Variants in DLG2 observed in about 807,000 individuals in gnomAD.
The protein encoded by DLG2 is disks large homolog 2.
Under a neutral mutation model 132.5 loss-of-function variants are expected in DLG2, and 45 were observed. That is an observed-to-expected ratio of 0.34 (90% CI 0.27 to 0.44). DLG2 has a LOEUF of 0.44. Ranked by LOEUF, DLG2 falls within the 20% of genes least tolerant of loss-of-function variation. The probability of loss-of-function intolerance (pLI) is 1.00; values close to 1 mark genes in which losing one functional copy is unlikely to be tolerated. For synonymous variants in DLG2, 424 were observed against 419.6 expected (o/e 1.01, Z -0.13); for missense variants, 1,045 against 1,196.9 (o/e 0.87, Z 1.87).
At chr11:85,536,650 G>C (rs187090053) in intron 3 of DLG2, among the ~76,000 whole-genome samples, 1 of 152,218 alleles carries the variant, frequency 6.6e-6, no homozygotes, top group African/African-American at 2.4e-5. Flanking sequence ...CTGGGGCTGC[G>C]TGCGGTGCTC....
chr11:83,625,277 C>T (rs1176601580), intron 19 of DLG2, among the ~76,000 whole-genome samples: 1 of 152,078 alleles, frequency 6.6e-6, no homozygotes, highest in Non-Finnish European at 1.5e-5. Flanking sequence ...TATGGCTTTG[C>T]CTTAAATGTT....
intron 10 of DLG2, among the ~76,000 whole-genome samples, chr11:84,066,098 G>A (rs570212954): frequency 1.7e-3 from 252 of 152,192 alleles, no homozygotes; most frequent in Non-Finnish European, 2.6e-3. Flanking sequence ...GGTGAGCACT[G>A]AAAAACTAGC....
chr11:85,260,603 G>C (rs1376567589), intron 4 of DLG2, among the ~76,000 whole-genome samples: 4 of 152,126 alleles, frequency 2.6e-5, no homozygotes, highest in Non-Finnish European at 4.4e-5. Context: ...TGCCAGGTAG[G>C]TACTCTGCCA....
At chr11:83,831,202 G>A (rs777074186) in intron 17 of DLG2, among the ~76,000 whole-genome samples, 21 of 152,120 alleles carry the variant, frequency 1.4e-4, no homozygotes, top group Non-Finnish European at 2.1e-4. Context: ...ACATGTAAAC[G>A]TATATGCACA....
At chr11:84,264,550 T>A (rs2097587811) in intron 7 of DLG2, among the ~76,000 whole-genome samples, 1 of 151,300 alleles carries the variant, frequency 6.6e-6, no homozygotes, top group East Asian at 1.9e-4. Context: ...GCACAGGGAG[T>A]AGGTTGTTTT....
Position 83,759,981 on chromosome 11 carries a change from T to C in DLG2, c.1825+26709A>G, listed in dbSNP as rs1490928278. On this transcript the variant is annotated intron_variant, in intron 18 of 27. Transcript: ENST00000376104. ...TATTAAATCATTTCAAAATGAATAA[T>C]ATTCAATATGGTTTGTGATATTTAG... Among the ~76,000 whole-genome samples, 9 of 152,336 alleles carry C rather than the reference T, an allele frequency of 5.9e-5. No homozygotes were observed. In the South Asian group the frequency reaches 1.7e-3, roughly 28 times the overall value.
At chr11:84,737,541 G>A (rs1406127730) in intron 6 of DLG2, among the ~76,000 whole-genome samples, 2 of 151,538 alleles carry the variant, frequency 1.3e-5, no homozygotes, top group African/African-American at 2.4e-5. Context: ...TGATGTGTAT[G>A]TATTTTTGTG....
intron 6 of DLG2, among the ~76,000 whole-genome samples, chr11:85,062,945 G>A (rs796122743): frequency 2.0e-5 from 3 of 151,838 alleles, no homozygotes; most frequent in African/African-American, 7.2e-5. Context: ...CAGAGGTGGG[G>A]ATGACTGGTA....
At chr11:84,298,643 G>C (rs2098119649) in intron 7 of DLG2, among the ~76,000 whole-genome samples, 1 of 152,214 alleles carries the variant, frequency 6.6e-6, no homozygotes, top group South Asian at 2.1e-4. Flanking sequence ...ACAATGCTAA[G>C]TGTAAAGTGG....
intron 6 of DLG2, among the ~76,000 whole-genome samples, chr11:84,566,922 A>G (rs1284461287): frequency 6.6e-6 from 1 of 152,156 alleles, no homozygotes; most frequent in African/African-American, 2.4e-5. Flanking sequence ...TCTTAATTAT[A>G]CAAAATGAGG....
At chr11:84,371,272 T>G (rs2098705328) in intron 7 of DLG2, among the ~76,000 whole-genome samples, 1 of 151,794 alleles carries the variant, frequency 6.6e-6, no homozygotes. Context: ...TTTTTTTTTT[T>G]TTTGATAGCC....
chr11:85,322,639 C>G (rs1478305235), intron 3 of DLG2, among the ~76,000 whole-genome samples: 1 of 152,024 alleles, frequency 6.6e-6, no homozygotes, highest in African/African-American at 2.4e-5. Flanking sequence ...TAACCAAAAA[C>G]AAAAACAATA....
At chr11:85,294,394 A>G (rs1482525637) in intron 3 of DLG2, among the ~76,000 whole-genome samples, 1 of 152,130 alleles carries the variant, frequency 6.6e-6, no homozygotes, top group Non-Finnish European at 1.5e-5. Flanking sequence ...GGAATGAAGT[A>G]TACAGTGCAG....
chr11:84,456,098 T>C (rs1373881296), intron 7 of DLG2, among the ~76,000 whole-genome samples: 1 of 151,286 alleles, frequency 6.6e-6, no homozygotes. Flanking sequence ...CTGTTGACAA[T>C]CTTATGGTGA....
At chr11:85,402,870 A>G (rs1471803109) in intron 3 of DLG2, among the ~76,000 whole-genome samples, 3 of 152,182 alleles carry the variant, frequency 2.0e-5, no homozygotes, top group African/African-American at 7.2e-5. Flanking sequence ...GTGGAAAAAT[A>G]GGAATGCTTT....
chr11:84,420,560 AGGG>A, intron 7 of DLG2, among the ~76,000 whole-genome samples: 1 of 147,898 alleles, frequency 6.8e-6, no homozygotes, highest in Non-Finnish European at 1.5e-5. Flanking sequence ...ATGTATCACG[AGGG>A]TGCTTCCAAC....
intron 19 of DLG2, among the ~76,000 whole-genome samples, chr11:83,542,430 C>T (rs918570946): frequency 1.3e-5 from 2 of 152,074 alleles, no homozygotes; most frequent in Non-Finnish European, 2.9e-5. Context: ...TTAATGTAAT[C>T]ACCTGAATAC....
At chr11:83,583,274 G>C (rs529990075) in intron 19 of DLG2, among the ~76,000 whole-genome samples, 2 of 152,306 alleles carry the variant, frequency 1.3e-5, no homozygotes, top group South Asian at 4.1e-4. Flanking sequence ...AATCATGTCA[G>C]ACAGAGCAGG....
chr11:84,982,147 C>A (rs1225484674), intron 6 of DLG2, among the ~76,000 whole-genome samples: 1 of 152,100 alleles, frequency 6.6e-6, no homozygotes, highest in African/African-American at 2.4e-5. Context: ...GTCCACCAAG[C>A]TCTTCTTACT....
Sources: gnomAD v4.1 joint callset for allele counts (sites outside exome capture counted in the v4.1 genomes callset) on GRCh38, gnomAD v4.1.1 for gene constraint, MANE v1.5 for transcripts, NCBI Gene and HGNC (gene_info 2026-07-23, HGNC 2026-07-21) for gene names.